The following TNMD variants were observed in gnomAD, a reference collection of about 807,000 sequenced individuals.
TNMD encodes BRICHOS domain containing 4.
In TNMD, 15 loss-of-function variants were observed where a neutral mutation model predicts 26.9. The ratio of observed to expected loss-of-function variants is 0.56; its 90% CI spans 0.37 to 0.86. TNMD has a LOEUF of 0.86. Among genes scored for constraint, TNMD ranks in the 40% least tolerant of loss-of-function variants. The probability of loss-of-function intolerance (pLI) is 0.00; values close to 1 mark genes in which losing one functional copy is unlikely to be tolerated. For missense variants in TNMD, 222 were observed against 242.6 expected (o/e 0.92, Z 0.56); for synonymous variants, 73 against 77.0 (o/e 0.95, Z 0.27).
In TNMD at chrX:100,593,897, C is replaced by T; in HGVS notation, c.183C>T (p.Ala61=). The T allele has an allele frequency of 4.1e-6, 5 of 1,209,534 alleles. No individual in the cohort carries two copies. The East Asian group carries it at 1.5e-4, about 36-fold the overall frequency. The change falls in exon 3 of 7, where the codon GCC becomes GCT. Residue 61 remains alanine (A), a splice_region_variant and synonymous_variant. Transcript: ENST00000373031. ...ATTGTTTTCCTCTGTTCTCCCAGGC[C>T]TATGACATGGAGCACACTTTCTACA... ...KHFWPEVPKK[A]YDMEHTFYSN...
At chrX:100,597,434 T>A (rs1210705262) in intron 4 of TNMD, 70 bp from the exon 5 acceptor site, 5 of 1,105,299 alleles carry the variant, frequency 4.5e-6, no homozygotes, top group Non-Finnish European at 4.9e-6. Flanking sequence ...CTTTCCAGCA[T>A]CCCATAATGT....
At chrX:100,587,580 A>T (rs138226800) in intron 2 of TNMD, among the ~76,000 whole-genome samples, 5 of 112,049 alleles carry the variant, frequency 4.5e-5, no homozygotes, top group African/African-American at 1.3e-4. Context: ...ATTGTCTTTG[A>T]TATTTAAGTC....
chrX:100,595,528 T>G (rs1017203390), intron 4 of TNMD, among the ~76,000 whole-genome samples: 1 of 110,643 alleles, frequency 9.0e-6, no homozygotes, highest in African/African-American at 3.3e-5. Context: ...TCCATCTTGA[T>G]TCTCACCAAC....
intron 4 of TNMD, among the ~76,000 whole-genome samples, chrX:100,594,780 G>T (rs1422196001): frequency 8.9e-6 from 1 of 112,107 alleles, no homozygotes; most frequent in Non-Finnish European, 1.9e-5. Flanking sequence ...GCCACCTGGG[G>T]TTCTTGCCAC....
chrX:100,592,020 A>C, intron 2 of TNMD, among the ~76,000 whole-genome samples: 1 of 111,571 alleles, frequency 9.0e-6, no homozygotes, highest in African/African-American at 3.3e-5. Context: ...CCAGGTAGGC[A>C]GTGTTCCAGC....
chrX:100,595,383 G>A (rs2082949958), intron 4 of TNMD, among the ~76,000 whole-genome samples: 1 of 110,521 alleles, frequency 9.0e-6, no homozygotes, highest in Non-Finnish European at 1.9e-5. Context: ...TCAAAGTGCT[G>A]GGATTACAGG....
chrX:100,588,377 C>G (rs1391128148), intron 2 of TNMD, among the ~76,000 whole-genome samples: 1 of 111,248 alleles, frequency 9.0e-6, no homozygotes, highest in African/African-American at 3.3e-5. Flanking sequence ...ACGACTAACT[C>G]TGGGTGAGCT....
At chrX:100,595,681 T>C (rs2082950947) in intron 4 of TNMD, among the ~76,000 whole-genome samples, 1 of 110,370 alleles carries the variant, frequency 9.1e-6, no homozygotes. Context: ...ACTGGTCTCC[T>C]CGGGGCCAGA....
At chrX:100,593,459 A>C in intron 2 of TNMD, 4 of 625,531 alleles carry the variant, frequency 6.4e-6, no homozygotes, top group Non-Finnish European at 7.7e-6. Flanking sequence ...GAATAGACTC[A>C]AGGCTGTTGT....
At position 100,585,044 on chromosome X, in the gene TNMD, G is replaced by A. The variant is rs779363146; in HGVS notation, c.26G>A (p.Cys9Tyr). Residue 9 changes from cysteine (C) to tyrosine (Y), a missense_variant, in exon 1 of 7, where the codon TGT becomes TAT. By Grantham distance (194) the Cys-to-Tyr change is radical. Transcript: ENST00000373031. Reference protein sequence around the residue: MAKNPPENCEDCHILNAEA... With the variant: MAKNPPENYEDCHILNAEA... ...ATGGCAAAGAATCCTCCAGAGAATT[G>A]TGAAGACTGTCACATTCTAAATGTA... is the stretch of plus-strand genomic sequence containing the variant. The A allele has an allele frequency of 8.3e-7, 1 of 1,210,378 alleles. No homozygotes were observed. Among genetic ancestry groups the A allele is most frequent in the African/African-American group, 1.7e-5 (1 of 57,728 alleles).
chrX:100,593,762 T>C, intron 2 of TNMD, 133 bp from the exon 3 acceptor site: 2 of 660,757 alleles, frequency 3.0e-6, no homozygotes, highest in Non-Finnish European at 4.4e-6. Flanking sequence ...TTCTTAGTAA[T>C]TAGCTCAGCA....
chrX:100,592,894 A>G (rs950221223), intron 2 of TNMD, among the ~76,000 whole-genome samples: 9 of 111,917 alleles, frequency 8.0e-5, no homozygotes, highest in Non-Finnish European at 5.6e-5. Context: ...AACATGGAGA[A>G]ACTCGATAAA....
chrX:100,592,453 A>T (rs2082940519), intron 2 of TNMD, among the ~76,000 whole-genome samples: 1 of 112,295 alleles, frequency 8.9e-6, no homozygotes, highest in African/African-American at 3.2e-5. Flanking sequence ...TGGTTTTTTT[A>T]AAAGACCTTG....
Position 100,598,547 on chromosome X carries a change from C to T in TNMD, c.578-469C>T, listed in dbSNP as rs142999631. 3.3e-3 allele frequency among the ~76,000 whole-genome samples: 369 copies of T among 111,773 alleles called. 1 individual carries two copies. The highest frequency in any genetic ancestry group is 0.011 in the African/African-American group (335 of 30,773). ...GGAAACCGGGTGAAGAATATGTGAA[C>T]TCTGTACTATTTCTGCAACTCTTCC... On this transcript the variant is annotated intron_variant, in intron 5 of 6. Coordinates refer to ENST00000373031, the MANE Select transcript of TNMD (RefSeq NM_022144.3).
At position 100,594,369 on chromosome X, in the gene TNMD, A is replaced by G. The variant is rs1266481859; in HGVS notation, c.423+7A>G. On this transcript the variant is annotated splice_region_variant and intron_variant, in intron 4 of 6. Transcript: ENST00000373031. Reference sequence around the variant, plus strand: ...AGAAGAGGAAATAGATGAGGTATGTAAGAAGAATAATTGTGGTGGCAAAAG... The same window carrying G: ...AGAAGAGGAAATAGATGAGGTATGTGAGAAGAATAATTGTGGTGGCAAAAG... The G allele has an allele frequency of 3.6e-6, 4 of 1,100,625 alleles. No homozygotes were observed. Among genetic ancestry groups the G allele is most frequent in the Non-Finnish European group, 5.0e-6 (4 of 804,929 alleles). The allele number at this position is 1,100,625 out of a possible 1,213,427, so 90.7% of individuals were successfully genotyped here.
chrX:100,595,541 A>G (rs1386437861), intron 4 of TNMD, among the ~76,000 whole-genome samples: 1 of 108,870 alleles, frequency 9.2e-6, no homozygotes, highest in Non-Finnish European at 1.9e-5. Context: ...TCACCAACCC[A>G]TTTATCTTTT....
chrX:100,596,370 G>T (rs1484633135), intron 4 of TNMD, among the ~76,000 whole-genome samples: 3 of 111,593 alleles, frequency 2.7e-5, no homozygotes, highest in East Asian at 2.8e-4. Context: ...AAAGGCAAAG[G>T]CTCATAATGT....
At chrX:100,594,145 T>A in intron 3 of TNMD, 110 bp downstream of exon 3, 1 of 925,445 alleles carries the variant, frequency 1.1e-6, no homozygotes, top group Non-Finnish European at 1.5e-6. Flanking sequence ...AAAGCTAGCC[T>A]CCTCTAGCTT....
At chrX:100,598,920 A>G (rs1434312921) in intron 5 of TNMD, 96 bp from the exon 6 acceptor site, 1 of 720,172 alleles carries the variant, frequency 1.4e-6, no homozygotes, top group Non-Finnish European at 2.0e-6. Flanking sequence ...AGAAGACACA[A>G]TGAAAATCTC....
Sources: allele counts gnomAD v4.1 joint callset (sites outside exome capture counted in the v4.1 genomes callset), GRCh38; gene constraint gnomAD v4.1.1; transcripts MANE v1.5; gene names NCBI Gene and HGNC (gene_info 2026-07-23, HGNC 2026-07-21).